Variants in CMBL observed in about 807,000 individuals in gnomAD.
The protein encoded by CMBL is carboxymethylenebutenolidase homolog (Pseudomonas).
In CMBL, 17 loss-of-function variants were observed where a neutral mutation model predicts 28.7. The ratio of observed to expected loss-of-function variants is 0.59; its 90% CI spans 0.41 to 0.89. CMBL has a LOEUF of 0.89. Among genes scored for constraint, CMBL ranks in the 40% least tolerant of loss-of-function variants. CMBL has a pLI of 0.00. For missense variants in CMBL, 310 were observed against 298.5 expected (o/e 1.04, Z -0.28); for synonymous variants, 106 against 101.6 (o/e 1.04, Z -0.26).
chr5:10,278,134 A>T lies in CMBL; in HGVS notation c.*2319T>A, dbSNP rs149564186. Among the ~76,000 whole-genome samples, 299 of 152,174 alleles carry T rather than the reference A, an allele frequency of 2.0e-3. No homozygotes were observed. Among genetic ancestry groups the T allele is most frequent in the African/African-American group, 7.0e-3 (290 of 41,552 alleles). On this transcript the variant is annotated 3_prime_UTR_variant, in exon 6 of 6. Transcript: ENST00000296658. Reference sequence around the variant, plus strand: ...AACATTAGGCAAAGGGTCTCCCCATACCCATTTGACAGATGCAAAAACTGA... The same window carrying T: ...AACATTAGGCAAAGGGTCTCCCCATTCCCATTTGACAGATGCAAAAACTGA...
In CMBL at chr5:10,282,299, A is replaced by G; in HGVS notation, c.467-11T>C. On this transcript the variant is annotated splice_polypyrimidine_tract_variant and intron_variant, in intron 4 of 5. Transcript: ENST00000296658. ...AATCCTTGACAATGCCTGAAAAACA[A>G]GCACAGAGGCATGATGTCTGATCCC... is the stretch of plus-strand genomic sequence containing the variant. The G allele has an allele frequency of 6.6e-7, 1 of 1,510,386 alleles. No homozygotes were observed. The highest frequency in any genetic ancestry group is 1.4e-5 in the African/African-American group (1 of 73,360). The allele number at this position is 1,510,386 out of a possible 1,614,324, so 93.6% of individuals were successfully genotyped here.
At chr5:10,291,614 T>C (rs111562431) in intron 1 of CMBL, among the ~76,000 whole-genome samples, 1 of 150,132 alleles carries the variant, frequency 6.7e-6, no homozygotes, top group South Asian at 2.1e-4. Context: ...TGAGCCGAGA[T>C]CGCGCCACTG....
rs896169375 is a variant in CMBL, at chr5:10,307,763, A to C, written c.-158T>G. The C allele has an allele frequency of 6.6e-6, 1 of 152,222 alleles. No homozygotes were observed. Among genetic ancestry groups the C allele is most frequent in the Non-Finnish European group, 1.5e-5 (1 of 68,100 alleles). 9.4% of individuals were successfully genotyped at this position (152,222 alleles called of 1,614,324 possible). A position where few individuals can be genotyped will look rare whatever the true frequency, so the allele number is the denominator to read the frequency against. On this transcript the variant is annotated 5_prime_UTR_variant, in exon 1 of 6. Coordinates refer to ENST00000296658, the MANE Select transcript of CMBL (RefSeq NM_138809.4). ...GGGATCCTGCGGGACCAGTGGCTCC[A>C]GTCGTAGCCTCCTGGGAGAGCCAAG...
chr5:10,290,327 C>T, intron 2 of CMBL: 1 of 564,758 alleles, frequency 1.8e-6, no homozygotes, highest in South Asian at 2.1e-5. Flanking sequence ...CAGGTACTCC[C>T]AGGAGGACAG....
At chr5:10,302,517 T>C (rs1481677715) in intron 1 of CMBL, among the ~76,000 whole-genome samples, 1 of 146,872 alleles carries the variant, frequency 6.8e-6, no homozygotes, top group Non-Finnish European at 1.5e-5. Context: ...GGCATGGTGG[T>C]GCATACCTGT....
intron 1 of CMBL, among the ~76,000 whole-genome samples, chr5:10,294,170 A>T (rs935251060): frequency 1.1e-4 from 17 of 152,240 alleles, no homozygotes; most frequent in African/African-American, 4.1e-4. Flanking sequence ...AGAACAGCAG[A>T]GAATAGTGTG....
At chr5:10,304,361 C>T (rs936931722) in intron 1 of CMBL, among the ~76,000 whole-genome samples, 1 of 152,096 alleles carries the variant, frequency 6.6e-6, no homozygotes, top group Non-Finnish European at 1.5e-5. Context: ...GTGAATGAAA[C>T]CCTGTCTCAA....
chr5:10,302,770 G>A (rs1746922393), intron 1 of CMBL, among the ~76,000 whole-genome samples: 1 of 152,128 alleles, frequency 6.6e-6, no homozygotes, highest in Non-Finnish European at 1.5e-5. Flanking sequence ...CTCAAATACA[G>A]CATCCAAGGA....
chr5:10,302,314 C>T (rs551328470), intron 1 of CMBL, among the ~76,000 whole-genome samples: 2 of 152,248 alleles, frequency 1.3e-5, no homozygotes, highest in Admixed American at 6.5e-5. Context: ...TTGGCCAAGG[C>T]GATTCCAAAG....
chr5:10,296,761 G>A (rs1358696194), intron 1 of CMBL, among the ~76,000 whole-genome samples: 1 of 152,226 alleles, frequency 6.6e-6, no homozygotes, highest in Non-Finnish European at 1.5e-5. Context: ...AAGAATGGGT[G>A]TTGAGGGGAG....
chr5:10,305,352 T>C lies in CMBL; in HGVS notation c.-20+2273A>G, dbSNP rs75765852. 3.3e-3 allele frequency among the ~76,000 whole-genome samples: 508 copies of C among 152,120 alleles called. 2 individuals carry two copies. Among genetic ancestry groups the C allele is most frequent in the Non-Finnish European group, 5.0e-3 (340 of 67,978 alleles). On this transcript the variant is annotated intron_variant, in intron 1 of 5. Transcript: ENST00000296658. Reference sequence around the variant, plus strand: ...TGATGGTATGCACAGGAGAGGAGCATATGGAATTGGAATTTGCAGATCAAA... The same window carrying C: ...TGATGGTATGCACAGGAGAGGAGCACATGGAATTGGAATTTGCAGATCAAA...
intron 5 of CMBL, among the ~76,000 whole-genome samples, chr5:10,280,971 A>C (rs1746489088): frequency 6.6e-6 from 1 of 152,002 alleles, no homozygotes; most frequent in African/African-American, 2.4e-5. Context: ...ACAGGGTTTC[A>C]CCATGTTGAC....
chr5:10,306,627 G>A (rs1469577057), intron 1 of CMBL, among the ~76,000 whole-genome samples: 1 of 152,190 alleles, frequency 6.6e-6, no homozygotes, highest in Non-Finnish European at 1.5e-5. Flanking sequence ...AACATTGTAG[G>A]AACTTGCATG....
intron 1 of CMBL, among the ~76,000 whole-genome samples, chr5:10,297,344 T>C (rs1249868531): frequency 2.0e-5 from 3 of 151,584 alleles, no homozygotes; most frequent in Admixed American, 1.3e-4. Flanking sequence ...CGGAGGCAGG[T>C]GGATCACTTG....
At chr5:10,288,564 A>G (rs942984474) in intron 2 of CMBL, 35 bp from the exon 3 acceptor site, 2 of 1,441,054 alleles carry the variant, frequency 1.4e-6, no homozygotes, top group Admixed American at 3.3e-5. Context: ...TCTTAGTTTC[A>G]GAGTTGCTTG....
chr5:10,290,754 G>C lies in CMBL; in HGVS notation c.9C>G (p.Asn3Lys). Residue 3 changes from asparagine to lysine, a missense_variant, in exon 2 of 6, where the codon AAC (asparagine) becomes AAG (lysine). Coordinates refer to ENST00000296658, the MANE Select transcript of CMBL (RefSeq NM_138809.4). MA[N>K]EAYPCPCDIG... The stretch of plus-strand genomic sequence containing the variant: ...TGTCACACGGACAAGGATAAGCTTC[G>C]TTAGCCATTGCAGAGATTTAAGTCG... 3 of 1,614,044 alleles carry C rather than the reference G, an allele frequency of 1.9e-6. No homozygotes were observed. Among genetic ancestry groups the C allele is most frequent in the Non-Finnish European group, 2.5e-6 (3 of 1,179,912 alleles).
chr5:10,284,438 C>G (rs1305841966), intron 4 of CMBL, among the ~76,000 whole-genome samples: 1 of 152,218 alleles, frequency 6.6e-6, no homozygotes, highest in Non-Finnish European at 1.5e-5. Flanking sequence ...TTCAGATGGT[C>G]CCAGGCCTAA....
At chr5:10,297,371 A>G (rs1001653532) in intron 1 of CMBL, among the ~76,000 whole-genome samples, 7 of 151,858 alleles carry the variant, frequency 4.6e-5, no homozygotes, top group Non-Finnish European at 8.8e-5. Flanking sequence ...GGAGTTCGAC[A>G]CCAGCCTGAC....
intron 1 of CMBL, among the ~76,000 whole-genome samples, chr5:10,292,325 C>T (rs955432429): frequency 2.2e-4 from 34 of 152,132 alleles, no homozygotes; most frequent in Admixed American, 1.9e-3. Context: ...CCCACCTTAG[C>T]CTCCCAAGTA....
Sources: gnomAD v4.1 joint callset for allele counts (sites outside exome capture counted in the v4.1 genomes callset) on GRCh38, gnomAD v4.1.1 for gene constraint, MANE v1.5 for transcripts, NCBI Gene and HGNC (gene_info 2026-07-23, HGNC 2026-07-21) for gene names.